The following CHD7 variants were observed in gnomAD, a reference collection of about 807,000 sequenced individuals.
CHD7 encodes chromodomain helicase DNA binding protein 7, also known as ATP-dependent chromatin remodeler CHD7.
In CHD7, 24 loss-of-function variants were observed where a neutral mutation model predicts 307.3. The observed-to-expected ratio is 0.08, with a 90% CI of 0.06 to 0.11. The LOEUF (loss-of-function observed/expected upper bound fraction) is 0.11. Among genes scored for constraint, CHD7 ranks in the 10% least tolerant of loss-of-function variants. CHD7 has a pLI of 1.00. For synonymous variants in CHD7, 1,363 were observed against 1,349.9 expected (o/e 1.01, Z -0.21); for missense variants, 3,106 against 3,727.1 (o/e 0.83, Z 4.34).
In CHD7 at chr8:60,865,843, C is replaced by G. The variant is rs1423611130; in HGVS notation, c.8904C>G (p.Ser2968=). 1.2e-6 allele frequency: 2 copies of G among 1,613,368 alleles called. No individual in the cohort carries two copies. The highest frequency in any genetic ancestry group is 2.7e-5 in the African/African-American group (2 of 75,020). ...AEESLDKTAE[S]SLLEDEIAQG... ...AGAGCCTGGATAAGACTGCAGAGTCCTCCCTCTTAGAAGACGAAATAGCAC... is the reference window on the plus strand; with the variant it reads ...AGAGCCTGGATAAGACTGCAGAGTCGTCCCTCTTAGAAGACGAAATAGCAC... The change falls in exon 38 of 38, where the codon TCC becomes TCG. Residue 2968 remains serine (S), a synonymous_variant. Transcript: ENST00000423902. This position sits in a 1 kb window ranked among gnomAD's most constrained non-coding sequence, Gnocchi z 4.3.
intron 1 of CHD7, among the ~76,000 whole-genome samples, chr8:60,719,691 G>A (rs904123609): frequency 5.9e-5 from 9 of 152,058 alleles, no homozygotes; most frequent in Admixed American, 2.0e-4. Context: ...CTCCTCATTC[G>A]GCAGGCAGTG....
In CHD7 at chr8:60,863,003, A is replaced by AAAAAC. The variant is rs147759163; in HGVS notation, c.8076+376_8076+380dup. ...TAAGATTAACTGTGATTTCTGATTT[A>AAAAAC]AAAACAAAACAAAACAAAACAAAAC... is the stretch of plus-strand genomic sequence containing the variant. On this transcript the variant is annotated intron_variant, in intron 37 of 37. Coordinates refer to ENST00000423902, the MANE Select transcript of CHD7 (RefSeq NM_017780.4). 1,204 of 191,544 alleles carry AAAAAC rather than the reference A, an allele frequency of 6.3e-3. 17 individuals carry two copies. The highest frequency in any genetic ancestry group is 0.026 in the African/African-American group (1,079 of 42,048). 11.9% of individuals were successfully genotyped at this position (191,544 alleles called of 1,614,324 possible).
chr8:60,733,383 A>C (rs1470354980), intron 1 of CHD7, among the ~76,000 whole-genome samples: 1 of 152,200 alleles, frequency 6.6e-6, no homozygotes. Context: ...TGCTATTAGA[A>C]TGTGTGCCCA....
chr8:60,703,730 A>G (rs543318916), intron 1 of CHD7, among the ~76,000 whole-genome samples: 1 of 152,260 alleles, frequency 6.6e-6, no homozygotes, highest in East Asian at 1.9e-4. Context: ...GCTGCTTTGG[A>G]TTTTAATTGA....
At chr8:60,750,191 A>G (rs1262060696) in intron 2 of CHD7, among the ~76,000 whole-genome samples, 14 of 152,240 alleles carry the variant, frequency 9.2e-5, no homozygotes, top group Admixed American at 9.2e-4. Flanking sequence ...AAGCCTGGAT[A>G]TTAGGCCTCT....
intron 2 of CHD7, among the ~76,000 whole-genome samples, chr8:60,760,444 A>G (rs1240579229): frequency 1.4e-5 from 2 of 146,960 alleles, no homozygotes; most frequent in Non-Finnish European, 3.0e-5. Context: ...CAAGGACTTC[A>G]TGTCTAAAAC....
chr8:60,761,996 T>C (rs2875984), intron 2 of CHD7, among the ~76,000 whole-genome samples: 118,663 of 151,932 alleles, frequency 0.78, 46,581 homozygotes, highest in East Asian at 0.94. Context: ...CTGATATGAG[T>C]ACTGTTGTAT....
chr8:60,734,718 T>C (rs1808617991), intron 1 of CHD7, among the ~76,000 whole-genome samples: 1 of 152,104 alleles, frequency 6.6e-6, no homozygotes, highest in Admixed American at 6.6e-5. Flanking sequence ...TTGTGAGTGC[T>C]TCAGGGGATA....
At chr8:60,840,279 C>A (rs1804914469) in intron 19 of CHD7, among the ~76,000 whole-genome samples, 1 of 152,216 alleles carries the variant, frequency 6.6e-6, no homozygotes. Flanking sequence ...TCCTTTACAT[C>A]TTTCAGCCTT....
At chr8:60,826,107 AGC>A (rs1170402183) in intron 13 of CHD7, among the ~76,000 whole-genome samples, 1 of 152,162 alleles carries the variant, frequency 6.6e-6, no homozygotes, top group African/African-American at 2.4e-5. Flanking sequence ...AGTGTTCTTA[AGC>A]TTTTTCACAT....
chr8:60,801,554 G>A lies in CHD7; in HGVS notation c.2403G>A (p.Val801=), dbSNP rs915922140. 1.3e-6 allele frequency: 2 copies of A among 1,575,130 alleles called. No homozygotes were observed. The highest frequency in any genetic ancestry group is 1.7e-4 in the Middle Eastern group (1 of 6,022). ...QQESVDAEGP[V]VEKIMSSRSV... ...AATCTGTTGATGCAGAAGGCCCAGTGGTAGAAAAAATTATGAGCAGTCGTT... is the reference window on the plus strand; with the variant it reads ...AATCTGTTGATGCAGAAGGCCCAGTAGTAGAAAAAATTATGAGCAGTCGTT... Residue 801 remains valine (V), a synonymous_variant, in exon 6 of 38, where the codon GTG becomes GTA. Coordinates refer to ENST00000423902, the MANE Select transcript of CHD7 (RefSeq NM_017780.4).
At chr8:60,849,218 T>C in intron 25 of CHD7, 64 bp downstream of exon 25, 2 of 995,828 alleles carry the variant, frequency 2.0e-6, no homozygotes, top group Non-Finnish European at 1.5e-6. Context: ...TAGAACTCTT[T>C]ACATACTCTT....
rs552661497 is a variant in CHD7 at position 60,781,491 on chromosome 8, T to C, written c.2096+61T>C. 2.7e-6 allele frequency: 4 copies of C among 1,470,188 alleles called. No homozygotes were observed. The South Asian group carries it at 5.9e-5, about 22-fold the overall frequency. The allele number at this position is 1,470,188 out of a possible 1,614,324, so 91.1% of individuals were successfully genotyped here. ...TGAGAGTACAGAAATTAGCGCCAAATAGTTACAGCCTATGAAATGAGGGGT... is the reference window on the plus strand; with the variant it reads ...TGAGAGTACAGAAATTAGCGCCAAACAGTTACAGCCTATGAAATGAGGGGT... On this transcript the variant is annotated intron_variant, in intron 3 of 37. Coordinates refer to ENST00000423902, the MANE Select transcript of CHD7 (RefSeq NM_017780.4).
Position 60,865,808 on chromosome 8 carries a change from G to A in CHD7, c.8869G>A (p.Asp2957Asn), listed in dbSNP as rs762553908. The A allele has an allele frequency of 3.7e-6, 6 of 1,613,994 alleles. No individual in the cohort carries two copies. The highest frequency in any genetic ancestry group is 3.3e-5 in the Admixed American group (2 of 60,018). ...FKDGETLEGSDAEESLDKTAE... is the reference protein window; with the variant it reads ...FKDGETLEGSNAEESLDKTAE... The stretch of plus-strand genomic sequence containing the variant: ...AGATGGAGAGACCCTTGAAGGCAGC[G>A]ATGCCGAGGAGAGCCTGGATAAGAC... Residue 2957 changes from aspartate (D) to asparagine (N), a missense_variant, in exon 38 of 38, where the codon GAT (aspartate) becomes AAT (asparagine). Transcript: ENST00000423902. This position sits in a 1 kb window ranked among gnomAD's most constrained non-coding sequence, Gnocchi z 4.3.
At chr8:60,837,495 A>T (rs376721531) in intron 17 of CHD7, among the ~76,000 whole-genome samples, 173 bp from the exon 18 acceptor site, 1 of 152,164 alleles carries the variant, frequency 6.6e-6, no homozygotes, top group Non-Finnish European at 1.5e-5. Context: ...TCGCCTCTTT[A>T]TATGAGCAGT....
At chr8:60,855,758 T>A (rs1805670053) in intron 32 of CHD7, among the ~76,000 whole-genome samples, 1 of 152,274 alleles carries the variant, frequency 6.6e-6, no homozygotes, top group Non-Finnish European at 1.5e-5. Context: ...TTTTCTGTGT[T>A]GAAGCCACCT....
chr8:60,807,753 G>T, intron 6 of CHD7, among the ~76,000 whole-genome samples: 1 of 152,336 alleles, frequency 6.6e-6, no homozygotes. Context: ...AGTATATGGA[G>T]AAATAAATGT....
At chr8:60,716,584 C>G (rs951474045) in intron 1 of CHD7, among the ~76,000 whole-genome samples, 1 of 152,218 alleles carries the variant, frequency 6.6e-6, no homozygotes, top group Non-Finnish European at 1.5e-5. Context: ...AGTCCCTTAC[C>G]ACCCAATTTA....
chr8:60,715,669 G>A (rs907028348), intron 1 of CHD7, among the ~76,000 whole-genome samples: 6 of 152,014 alleles, frequency 3.9e-5, no homozygotes, highest in South Asian at 2.1e-4. Flanking sequence ...CTTTGGGGCC[G>A]CGTCTGAGTC....
Sources: allele counts gnomAD v4.1 joint callset (sites outside exome capture counted in the v4.1 genomes callset), GRCh38; gene constraint gnomAD v4.1.1; non-coding constraint Gnocchi (gnomAD v3.1); transcripts MANE v1.5; gene names NCBI Gene and HGNC (gene_info 2026-07-23, HGNC 2026-07-21).